The following FGF13 variants were observed in gnomAD, a reference collection of about 807,000 sequenced individuals.
FGF13 encodes the protein fibroblast growth factor homologous factor 2.
Under a neutral mutation model 19.5 loss-of-function variants are expected in FGF13, and 2 were observed. The ratio of observed to expected loss-of-function variants is 0.10; its 90% confidence interval spans 0.04 to 0.32. The LOEUF (loss-of-function observed/expected upper bound fraction) is 0.32, where lower values mean the gene tolerates loss of function less well. FGF13 is among the 10% of genes least tolerant of loss of function. The pLI, the probability that FGF13 is intolerant of heterozygous loss-of-function variation, is 1.00. For missense variants in FGF13, 113 were observed against 192.7 expected (o/e 0.59, Z 2.45); for synonymous variants, 72 against 76.9 (o/e 0.94, Z 0.33).
intron 1 of FGF13, among the ~76,000 whole-genome samples, chrX:138,962,099 A>G (rs1166203780): frequency 1.8e-5 from 2 of 112,131 alleles, no homozygotes; most frequent in African/African-American, 6.5e-5. Context: ...TACCCATTTG[A>G]AAAAGGGTTA....
At chrX:139,053,531 T>C (rs1392347197) in intron 1 of FGF13, among the ~76,000 whole-genome samples, 2 of 111,149 alleles carry the variant, frequency 1.8e-5, no homozygotes, top group East Asian at 5.7e-4. Flanking sequence ...TTCATGTTTG[T>C]TGGACATTTG....
At chrX:138,835,985 A>AG (rs758663301) in intron 3 of FGF13, among the ~76,000 whole-genome samples, 180 of 111,202 alleles carry the variant, frequency 1.6e-3, no homozygotes, top group African/African-American at 5.6e-3. Flanking sequence ...TAAAAAAAAA[A>AG]AGAGAGAGAA....
At chrX:139,191,703 C>T (rs747744786) in intron 1 of FGF13, among the ~76,000 whole-genome samples, 1 of 111,403 alleles carries the variant, frequency 9.0e-6, no homozygotes, top group Non-Finnish European at 1.9e-5. Context: ...TTCCACCTCC[C>T]ATCACCACCT....
chrX:139,033,816 AAT>A (rs2092240360), intron 1 of FGF13, among the ~76,000 whole-genome samples: 1 of 111,951 alleles, frequency 8.9e-6, no homozygotes, highest in Admixed American at 9.5e-5. Flanking sequence ...GCTACCAACT[AAT>A]ATGACCTTTT....
At chrX:138,804,241 T>C (rs933442970) in intron 3 of FGF13, among the ~76,000 whole-genome samples, 5 of 112,437 alleles carry the variant, frequency 4.4e-5, no homozygotes, top group East Asian at 2.8e-4. Context: ...GCTTCTGATT[T>C]ATCCTCTCAA....
intron 3 of FGF13, among the ~76,000 whole-genome samples, chrX:138,826,867 T>A (rs957721684): frequency 8.9e-6 from 1 of 112,495 alleles, no homozygotes; most frequent in Non-Finnish European, 1.9e-5. Context: ...AATAGCTACA[T>A]ACCTTAAGTA....
intron 3 of FGF13, among the ~76,000 whole-genome samples, chrX:138,801,452 G>A (rs969444354): frequency 9.0e-6 from 1 of 111,728 alleles, no homozygotes; most frequent in African/African-American, 3.3e-5. Flanking sequence ...TCCTTCCTCT[G>A]GAAGTTTCAC....
At chrX:138,922,819 T>A (rs1719454660) in intron 1 of FGF13, among the ~76,000 whole-genome samples, 1 of 112,118 alleles carries the variant, frequency 8.9e-6, no homozygotes, top group Admixed American at 9.5e-5. Context: ...CTAGAAACAT[T>A]TCTTTGTAAG....
chrX:139,075,988 G>A, intron 1 of FGF13, among the ~76,000 whole-genome samples: 1 of 13,562 alleles, frequency 7.4e-5, no homozygotes, highest in Non-Finnish European at 1.3e-4. Flanking sequence ...GACTACAGGC[G>A]CCCGCCACCG....
intron 1 of FGF13, among the ~76,000 whole-genome samples, chrX:138,724,757 A>C (rs1361173483): frequency 9.0e-6 from 1 of 111,680 alleles, no homozygotes; most frequent in Non-Finnish European, 1.9e-5. Context: ...GAGATTGAGG[A>C]GATATAATGA....
chrX:138,832,528 ATTTG>A (rs1269658621), intron 3 of FGF13, among the ~76,000 whole-genome samples: 1 of 111,623 alleles, frequency 9.0e-6, no homozygotes, highest in African/African-American at 3.3e-5. Flanking sequence ...ATTCTTGTAA[ATTTG>A]TTTAAGTACC....
chrX:138,809,063 G>T (rs2090898472), intron 3 of FGF13, among the ~76,000 whole-genome samples: 2 of 111,848 alleles, frequency 1.8e-5, no homozygotes, highest in East Asian at 5.6e-4. Context: ...CCAATCAATA[G>T]AAAAAGAGGG....
intron 1 of FGF13, among the ~76,000 whole-genome samples, chrX:138,950,299 G>GAAC (rs2091804147): frequency 1.8e-5 from 2 of 111,993 alleles, no homozygotes; most frequent in African/African-American, 6.5e-5. Context: ...TTTTAAGGAT[G>GAAC]TAACTCATTT....
chrX:139,170,938 T>C (rs902308039), intron 1 of FGF13, among the ~76,000 whole-genome samples: 3 of 111,703 alleles, frequency 2.7e-5, no homozygotes, highest in African/African-American at 9.8e-5. Flanking sequence ...AGCCAACACA[T>C]CACATGATTT....
intron 1 of FGF13, among the ~76,000 whole-genome samples, chrX:139,090,469 C>T (rs1050667085): frequency 9.0e-6 from 1 of 111,405 alleles, no homozygotes; most frequent in Non-Finnish European, 1.9e-5. Flanking sequence ...TTCACGGGTA[C>T]ATTTCAGGTC....
At chrX:139,045,181 G>A (rs1251348272) in intron 1 of FGF13, among the ~76,000 whole-genome samples, 1 of 112,347 alleles carries the variant, frequency 8.9e-6, no homozygotes, top group Non-Finnish European at 1.9e-5. Flanking sequence ...ATTCTCCAAA[G>A]TGGTACCTCA....
intron 3 of FGF13, among the ~76,000 whole-genome samples, chrX:138,784,822 C>T (rs1335213497): frequency 9.0e-6 from 1 of 111,560 alleles, no homozygotes; most frequent in Non-Finnish European, 1.9e-5. Flanking sequence ...TTTCTCTTTC[C>T]CTCCATCACA....
At chrX:139,132,804 A>G (rs1398852110) in intron 1 of FGF13, among the ~76,000 whole-genome samples, 1 of 112,517 alleles carries the variant, frequency 8.9e-6, no homozygotes, top group Non-Finnish European at 1.9e-5. Context: ...TAATGTGTTA[A>G]TTCTAACCAA....
intron 3 of FGF13, among the ~76,000 whole-genome samples, chrX:138,655,053 A>G (rs189147530): frequency 3.6e-5 from 4 of 111,645 alleles, no homozygotes; most frequent in African/African-American, 9.8e-5. Flanking sequence ...TTAAATTTTG[A>G]TAGTGACCAC....
Sources: gnomAD v4.1 joint callset for allele counts (sites outside exome capture counted in the v4.1 genomes callset) on GRCh38, gnomAD v4.1.1 for gene constraint, MANE v1.5 for transcripts, NCBI Gene and HGNC (gene_info 2026-07-23, HGNC 2026-07-21) for gene names.